ROBO1: variants seen among roughly 807,000 people sequenced by gnomAD.
ROBO1 encodes the protein roundabout guidance receptor 1, also known as roundabout homolog 1.
Under a neutral mutation model 195.9 loss-of-function variants are expected in ROBO1, and 149 were observed. The observed-to-expected ratio is 0.76, with a 90% confidence interval of 0.67 to 0.87. The LOEUF is 0.87. Ranked by LOEUF, ROBO1 falls within the 40% of genes least tolerant of loss-of-function variation. The pLI is 0.00. For synonymous variants in ROBO1, 816 were observed against 733.2 expected (o/e 1.11, Z -1.82); for missense variants, 1,933 against 2,068.3 (o/e 0.93, Z 1.27).
intron 2 of ROBO1, among the ~76,000 whole-genome samples, chr3:79,233,902 T>C (rs1409218518): frequency 2.0e-5 from 3 of 152,060 alleles, no homozygotes; most frequent in Non-Finnish European, 4.4e-5. Flanking sequence ...GATGGTGTCA[T>C]GCTGCCATTT....
intron 2 of ROBO1, among the ~76,000 whole-genome samples, chr3:79,362,710 C>T (rs1473404735): frequency 2.0e-5 from 3 of 152,046 alleles, no homozygotes; most frequent in African/African-American, 7.2e-5. Flanking sequence ...TAGTCCTTTT[C>T]CTGAGACTCC....
intron 2 of ROBO1, among the ~76,000 whole-genome samples, chr3:79,251,608 G>C (rs918290477): frequency 6.6e-6 from 1 of 152,016 alleles, no homozygotes; most frequent in African/African-American, 2.4e-5. Context: ...AAAATTAGCT[G>C]GGCATGGTGG....
intron 29 of ROBO1, among the ~76,000 whole-genome samples, chr3:78,606,271 C>A (rs1178409557): frequency 6.6e-6 from 1 of 152,188 alleles, no homozygotes; most frequent in Admixed American, 6.5e-5. Context: ...CTCCTGGGTG[C>A]AAGCCATCCT....
Position 79,324,125 on chromosome 3 carries a change from G to A in ROBO1, c.89-198586C>T, listed in dbSNP as rs375959535. ...AACTAAAAATCCGGACACCCATGCC[G>A]TCCTTTCAAATTGACCTCACACTGG... On this transcript the variant is annotated intron_variant, in intron 2 of 30. Transcript: ENST00000464233. Among the ~76,000 whole-genome samples, 12 of 152,148 alleles carry A rather than the reference G, an allele frequency of 7.9e-5. No homozygotes were observed. In the South Asian group the frequency reaches 2.5e-3, roughly 32 times the overall value.
chr3:79,091,600 G>A (rs1459680615), intron 3 of ROBO1, among the ~76,000 whole-genome samples: 1 of 151,910 alleles, frequency 6.6e-6, no homozygotes, highest in Admixed American at 6.6e-5. Context: ...AGAAACAAGC[G>A]AAAGAAAAAT....
At chr3:79,269,249 C>T (rs1176502443) in intron 2 of ROBO1, among the ~76,000 whole-genome samples, 1 of 151,692 alleles carries the variant, frequency 6.6e-6, no homozygotes, top group Non-Finnish European at 1.5e-5. Flanking sequence ...AACTAGATTA[C>T]AATGTTTTTC....
At chr3:78,973,506 T>A (rs577034099) in intron 3 of ROBO1, among the ~76,000 whole-genome samples, 5 of 145,846 alleles carry the variant, frequency 3.4e-5, no homozygotes, top group African/African-American at 1.2e-4. Flanking sequence ...GCTATATATA[T>A]ATTATATATA....
chr3:79,501,180 T>C (rs1359438000), intron 2 of ROBO1, among the ~76,000 whole-genome samples: 3 of 152,222 alleles, frequency 2.0e-5, no homozygotes, highest in African/African-American at 7.2e-5. Flanking sequence ...TATGGCTGTA[T>C]TATTTTCAAA....
intron 1 of ROBO1, among the ~76,000 whole-genome samples, chr3:79,745,097 C>G (rs1703817011): frequency 6.6e-6 from 1 of 152,080 alleles, no homozygotes; most frequent in Non-Finnish European, 1.5e-5. Flanking sequence ...TGTAAGCCTC[C>G]ATTCAGAGTG....
At chr3:79,344,693 A>G in intron 2 of ROBO1, among the ~76,000 whole-genome samples, 1 of 152,090 alleles carries the variant, frequency 6.6e-6, no homozygotes, top group Non-Finnish European at 1.5e-5. Context: ...GGCTGTAAAA[A>G]TGCATACATA....
At chr3:79,432,739 G>A (rs1421538649) in intron 2 of ROBO1, among the ~76,000 whole-genome samples, 1 of 152,028 alleles carries the variant, frequency 6.6e-6, no homozygotes, top group Non-Finnish European at 1.5e-5. Context: ...ATCAGTTTCA[G>A]GCTGCTTACT....
At chr3:79,730,335 C>A (rs1412160036) in intron 1 of ROBO1, among the ~76,000 whole-genome samples, 1 of 152,136 alleles carries the variant, frequency 6.6e-6, no homozygotes, top group Non-Finnish European at 1.5e-5. Context: ...TGAGGACACT[C>A]TATTTGGCCA....
intron 4 of ROBO1, among the ~76,000 whole-genome samples, chr3:78,849,736 T>C (rs1271319685): frequency 6.6e-6 from 1 of 151,850 alleles, no homozygotes; most frequent in African/African-American, 2.4e-5. Context: ...ATCTAACCTT[T>C]ACTGTTTAAT....
intron 2 of ROBO1, among the ~76,000 whole-genome samples, chr3:79,229,165 A>G (rs746127180): frequency 2.7e-4 from 41 of 152,288 alleles, no homozygotes; most frequent in East Asian, 5.8e-4. Flanking sequence ...CATTACAGGA[A>G]ATTAAGTATG....
intron 2 of ROBO1, among the ~76,000 whole-genome samples, chr3:79,567,149 A>G (rs9822313): frequency 0.58 from 87,599 of 152,024 alleles, 26,708 homozygotes; most frequent in African/African-American, 0.79. Context: ...AACTAATGCA[A>G]AAACAGAAAA....
intron 10 of ROBO1, among the ~76,000 whole-genome samples, chr3:78,676,581 G>C (rs1157624331): frequency 1.3e-5 from 2 of 152,152 alleles, no homozygotes; most frequent in Admixed American, 1.3e-4. Context: ...ATCAGTGATG[G>C]AAGATGAAAT....
Position 78,657,111 on chromosome 3 carries a change from C to T in ROBO1, c.2601G>A (p.Gln867=). The T allele has an allele frequency of 6.2e-7, 1 of 1,608,490 alleles. No homozygotes were observed. Among genetic ancestry groups the T allele is most frequent in the African/African-American group, 1.3e-5 (1 of 74,960 alleles). ...ACTGACACTCACCCAGCTGGATGAACTGAGGCTCACTCTTTACCCCAGACC... is the reference window on the plus strand; with the variant it reads ...ACTGACACTCACCCAGCTGGATGAATTGAGGCTCACTCTTTACCCCAGACC... ...GAGSGVKSEP[Q]FIQLDAHGNP... Residue 867 remains glutamine, a synonymous_variant, in exon 18 of 31, where the codon CAG becomes CAA. Transcript: ENST00000464233.
chr3:79,447,567 A>G (rs769327687), intron 2 of ROBO1, among the ~76,000 whole-genome samples: 2 of 152,168 alleles, frequency 1.3e-5, no homozygotes, highest in Non-Finnish European at 2.9e-5. Flanking sequence ...AGATTGTTAC[A>G]TCATGCTTAT....
intron 2 of ROBO1, among the ~76,000 whole-genome samples, chr3:79,388,811 A>C (rs950494767): frequency 3.3e-5 from 5 of 152,180 alleles, no homozygotes; most frequent in Admixed American, 3.3e-4. Context: ...ACCAGTTATA[A>C]TTTCAGATAC....
Sources: gnomAD v4.1 joint callset for allele counts (sites outside exome capture counted in the v4.1 genomes callset) on GRCh38, gnomAD v4.1.1 for gene constraint, MANE v1.5 for transcripts, NCBI Gene and HGNC (gene_info 2026-07-23, HGNC 2026-07-21) for gene names.